CWC25: variants seen among roughly 807,000 people sequenced by gnomAD.
CWC25 encodes CWC25 spliceosome associated protein.
Under a neutral mutation model 54.6 loss-of-function variants are expected in CWC25, and 31 were observed. That is an observed-to-expected ratio of 0.57 (90% CI 0.43 to 0.77). CWC25 has a LOEUF of 0.77. CWC25 is among the 30% of genes least tolerant of loss of function. The probability of loss-of-function intolerance (pLI) is 0.00; values close to 1 mark genes in which losing one functional copy is unlikely to be tolerated. For synonymous variants in CWC25, 151 were observed against 187.0 expected (o/e 0.81, Z 1.57); for missense variants, 453 against 529.3 (o/e 0.86, Z 1.41).
At chr17:38,808,977 G>A (rs1401123504) in intron 6 of CWC25, among the ~76,000 whole-genome samples, 11 of 145,216 alleles carry the variant, frequency 7.6e-5, no homozygotes, top group Non-Finnish European at 1.5e-4. Context: ...CAGAAATACA[G>A]AAGTCAAGCC....
At chr17:38,811,039 T>C (rs966733580) in intron 4 of CWC25, among the ~76,000 whole-genome samples, 8 of 150,670 alleles carry the variant, frequency 5.3e-5, no homozygotes, top group Admixed American at 4.6e-4. Context: ...GAGACCACCC[T>C]GGCCAATATG....
At chr17:38,809,562 CAAG>C in intron 6 of CWC25, 137 bp downstream of exon 6, 1 of 660,910 alleles carries the variant, frequency 1.5e-6, no homozygotes, top group Non-Finnish European at 2.6e-6. Flanking sequence ...TCATCAGCCA[CAAG>C]AAGGTGCTCA....
At chr17:38,822,758 G>C (rs1274050250) in intron 1 of CWC25, among the ~76,000 whole-genome samples, 1 of 152,036 alleles carries the variant, frequency 6.6e-6, no homozygotes, top group Admixed American at 6.6e-5. Flanking sequence ...ATGGTGCAGG[G>C]ACGCAAGAAG....
intron 5 of CWC25, among the ~76,000 whole-genome samples, chr17:38,809,988 C>A (rs892619957): frequency 6.6e-6 from 1 of 152,106 alleles, no homozygotes; most frequent in East Asian, 1.9e-4. Flanking sequence ...TAAGCCCCAA[C>A]GCCTGAACAC....
intron 8 of CWC25, among the ~76,000 whole-genome samples, chr17:38,805,876 G>C (rs1420926943): frequency 1.3e-5 from 2 of 151,804 alleles, no homozygotes; most frequent in African/African-American, 4.8e-5. Flanking sequence ...GCAGTGGTGA[G>C]ATCTCAGCTC....
chr17:38,822,142 C>A (rs1306767604), intron 1 of CWC25, among the ~76,000 whole-genome samples: 2 of 152,054 alleles, frequency 1.3e-5, no homozygotes, highest in Non-Finnish European at 2.9e-5. Flanking sequence ...CGGGTCACGG[C>A]AAACTCTGCC....
At chr17:38,821,149 C>T (rs1382595173) in intron 1 of CWC25, 76 bp from the exon 2 acceptor site, 1 of 1,469,776 alleles carries the variant, frequency 6.8e-7, no homozygotes, top group African/African-American at 1.4e-5. Flanking sequence ...CTGCCTCACC[C>T]ACCCTTCCAT....
At chr17:38,804,421 A>G (rs1320936360) in intron 8 of CWC25, among the ~76,000 whole-genome samples, 1 of 151,796 alleles carries the variant, frequency 6.6e-6, no homozygotes, top group Non-Finnish European at 1.5e-5. Flanking sequence ...TGTAATCCTA[A>G]CACTTTGGGA....
intron 2 of CWC25, among the ~76,000 whole-genome samples, chr17:38,817,492 T>C (rs973702863): frequency 4.0e-5 from 6 of 151,140 alleles, no homozygotes; most frequent in African/African-American, 1.2e-4. Flanking sequence ...CTCTACTAAA[T>C]ATACAAAAAA....
chr17:38,802,899 A>G (rs757647198), intron 8 of CWC25, 38 bp from the exon 9 acceptor site: 1 of 1,610,412 alleles, frequency 6.2e-7, no homozygotes, highest in South Asian at 1.1e-5. Flanking sequence ...GGTCTCTTCC[A>G]GCAAAAAAAC....
intron 9 of CWC25, 83 bp from the exon 10 acceptor site, chr17:38,802,289 G>A: frequency 1.1e-6 from 1 of 906,878 alleles, no homozygotes; most frequent in Admixed American, 2.2e-5. Flanking sequence ...GAAATGGGTT[G>A]TTAGCCATAG....
At chr17:38,815,939 G>C (rs143848721) in intron 2 of CWC25, among the ~76,000 whole-genome samples, 101 of 152,246 alleles carry the variant, frequency 6.6e-4, no homozygotes, top group African/African-American at 2.1e-3. Flanking sequence ...AGCCAAAAGA[G>C]CCAAACACTG....
intron 9 of CWC25, 26 bp downstream of exon 9, chr17:38,802,673 AC>A (rs1461402887): frequency 6.2e-7 from 1 of 1,612,592 alleles, no homozygotes. Context: ...CCCATGAAAG[AC>A]CCTGGCAGGA....
At chr17:38,802,354 C>T in intron 9 of CWC25, 148 bp from the exon 10 acceptor site, 1 of 605,662 alleles carries the variant, frequency 1.7e-6, no homozygotes, top group South Asian at 2.2e-5. Flanking sequence ...TTTCGAGTGA[C>T]TCCACCTGGA....
At position 38,808,640 on chromosome 17, in the gene CWC25, G is replaced by A. The variant is rs1433726233; in HGVS notation, c.690+1062C>T. 2.8e-5 allele frequency among the ~76,000 whole-genome samples: 4 copies of A among 142,486 alleles called. 1 individual carries two copies. The East Asian group carries it at 6.3e-4, about 23-fold the overall frequency. The allele number at this position is 142,486 out of a possible 152,430, so 93.5% of individuals were successfully genotyped here. A position where few individuals can be genotyped will look rare whatever the true frequency, so the allele number is the denominator to read the frequency against. The stretch of plus-strand genomic sequence containing the variant: ...TATTAAAAATACAAAAATTAGCCAG[G>A]TGTGATGGCAGGTGCCTGTAATCCC... On this transcript the variant is annotated intron_variant, in intron 6 of 9. Coordinates refer to ENST00000614790, the MANE Select transcript of CWC25 (RefSeq NM_017748.5).
intron 2 of CWC25, among the ~76,000 whole-genome samples, chr17:38,816,106 C>T (rs1210493553): frequency 6.6e-6 from 1 of 152,154 alleles, no homozygotes; most frequent in African/African-American, 2.4e-5. Flanking sequence ...ACCCTCATAC[C>T]ACAGACAGTA....
At position 38,806,745 on chromosome 17, in the gene CWC25, C is replaced by T. The variant is rs138205770; in HGVS notation, c.902+20G>A. 52 of 1,541,354 alleles carry T rather than the reference C, an allele frequency of 3.4e-5. No individual in the cohort carries two copies. In the African/African-American group the frequency reaches 5.3e-4, roughly 16 times the overall value. On this transcript the variant is annotated intron_variant, in intron 7 of 9. Transcript: ENST00000614790. ...GGCCCCCACAGTCACAGGTTATTTC[C>T]CAGTGAATCCCACACTCACAGTTTG...
At chr17:38,805,060 T>C (rs1911177156) in intron 8 of CWC25, among the ~76,000 whole-genome samples, 1 of 151,272 alleles carries the variant, frequency 6.6e-6, no homozygotes, top group Non-Finnish European at 1.5e-5. Flanking sequence ...TGAGCCGAGA[T>C]TGGGCCATTG....
In CWC25 at chr17:38,810,601, A is replaced by G. The variant is rs1023163442; in HGVS notation, c.499-6T>C. 5.9e-6 allele frequency: 8 copies of G among 1,346,408 alleles called. No homozygotes were observed. In the African/African-American group the frequency reaches 1.2e-4, roughly 20 times the overall value. The allele number at this position is 1,346,408 out of a possible 1,614,324, so 83.4% of individuals were successfully genotyped here. A position where few individuals can be genotyped will look rare whatever the true frequency, so the allele number is the denominator to read the frequency against. ...TTTTCCAGACTCATTTGCAACTGGA[A>G]AATGCCGAGAACACAAGCACACAAG... is the stretch of plus-strand genomic sequence containing the variant. On this transcript the variant is annotated splice_region_variant and splice_polypyrimidine_tract_variant and intron_variant, in intron 4 of 9. Coordinates refer to ENST00000614790, the MANE Select transcript of CWC25 (RefSeq NM_017748.5).
Sources: allele counts gnomAD v4.1 joint callset (sites outside exome capture counted in the v4.1 genomes callset), GRCh38; gene constraint gnomAD v4.1.1; transcripts MANE v1.5; gene names NCBI Gene and HGNC (gene_info 2026-07-23, HGNC 2026-07-21).